Variants in PIK3C3 observed in about 807,000 individuals in gnomAD.
The protein encoded by PIK3C3 is phosphatidylinositol 3-kinase catalytic subunit type 3, also known as PI3-kinase type 3.
A neutral mutation model predicts 126.1 loss-of-function variants in PIK3C3; 95 were observed. The ratio of observed to expected loss-of-function variants is 0.75; its 90% CI spans 0.64 to 0.89. The LOEUF (loss-of-function observed/expected upper bound fraction) is 0.89. Among genes scored for constraint, PIK3C3 ranks in the 40% least tolerant of loss-of-function variants. The probability of loss-of-function intolerance (pLI) is 0.00; values close to 1 mark genes in which losing one functional copy is unlikely to be tolerated. For synonymous variants in PIK3C3, 374 were observed against 360.0 expected, an observed-to-expected ratio of 1.04 and a Z score of -0.44; for missense variants, 829 against 1,063.2, an observed-to-expected ratio of 0.78 and a Z score of 3.06.
intron 16 of PIK3C3, among the ~76,000 whole-genome samples, chr18:42,034,790 A>G (rs1021728156): frequency 1.3e-5 from 2 of 152,200 alleles, no homozygotes; most frequent in Admixed American, 1.3e-4. Flanking sequence ...GTTGCATTGA[A>G]TATTACTTTG....
rs71174077 is a variant in PIK3C3, at chr18:42,076,089, C to CATATATAT, written c.2650-5009_2650-5002dup. Among the ~76,000 whole-genome samples the CATATATAT allele has an allele frequency of 5.0e-3, 271 of 54,580 alleles. 4 individuals carry two copies. The highest frequency in any genetic ancestry group is 0.012 in the East Asian group (19 of 1,598). 35.8% of individuals were successfully genotyped at this position (54,580 alleles called of 152,430 possible). A position where few individuals can be genotyped will look rare whatever the true frequency, so the allele number is the denominator to read the frequency against. On this transcript the variant is annotated intron_variant, in intron 24 of 24. Coordinates refer to ENST00000262039, the MANE Select transcript of PIK3C3 (RefSeq NM_002647.4). Reference sequence around the variant, plus strand: ...CATCAGCACTGGCTGCTTTACCTTGCATATATATATATATATATATATATA... The same window carrying CATATATAT: ...CATCAGCACTGGCTGCTTTACCTTGCATATATATATATATATATATATATATATATATA...
intron 12 of PIK3C3, among the ~76,000 whole-genome samples, chr18:42,019,278 CTTG>C (rs1983215227): frequency 6.6e-6 from 1 of 152,086 alleles, no homozygotes; most frequent in Non-Finnish European, 1.5e-5. Flanking sequence ...AAAACTGTCC[CTTG>C]AAACCACATC....
chr18:41,958,779 TATACTTA>T (rs772046198), intron 2 of PIK3C3, among the ~76,000 whole-genome samples: 2 of 152,046 alleles, frequency 1.3e-5, no homozygotes, highest in African/African-American at 4.8e-5. Context: ...AATATATATA[TATACTTA>T]ATACTTTTTA....
In PIK3C3 at chr18:42,037,110, A is replaced by T. The variant is rs1213864416; in HGVS notation, c.1840-582A>T. Among the ~76,000 whole-genome samples the T allele has an allele frequency of 2.6e-5, 4 of 152,222 alleles. 1 individual carries two copies. Among genetic ancestry groups the T allele is most frequent in the African/African-American group, 9.6e-5 (4 of 41,468 alleles). ...ATGCAAATATTCCAAAATCCGGGGAAGTCCAAAATCCCAAACATTTGCAAG... is the reference window on the plus strand; with the variant it reads ...ATGCAAATATTCCAAAATCCGGGGATGTCCAAAATCCCAAACATTTGCAAG... On this transcript the variant is annotated intron_variant, in intron 16 of 24. Coordinates refer to ENST00000262039, the MANE Select transcript of PIK3C3 (RefSeq NM_002647.4).
chr18:42,058,028 C>G lies in PIK3C3; in HGVS notation c.2409C>G (p.Tyr803Ter), dbSNP rs1281746614. 6.3e-7 allele frequency: 1 copy of G among 1,595,296 alleles called. No homozygotes were observed. Among genetic ancestry groups the G allele is most frequent in the Non-Finnish European group, 8.5e-7 (1 of 1,172,112 alleles). The change falls in exon 22 of 25, where the codon TAC (tyrosine) becomes TAG (stop). Residue 803 changes from tyrosine (Y) to a stop codon, truncating the protein, a stop_gained. Coordinates refer to ENST00000262039, the MANE Select transcript of PIK3C3 (RefSeq NM_002647.4). LOFTEE classifies it high-confidence loss of function. ...ACCAAGAGTTCCGTAAACAGTGTTACACGGCTTTCCTCCACCTGCGAAGGT... is the reference window on the plus strand; with the variant it reads ...ACCAAGAGTTCCGTAAACAGTGTTAGACGGCTTTCCTCCACCTGCGAAGGT... Reference protein sequence around the residue: ...EQYQEFRKQCYTAFLHLRRYS... With the variant: ...EQYQEFRKQC
At chr18:42,029,256 C>T in intron 14 of PIK3C3, 69 bp from the exon 15 acceptor site, 4 of 859,842 alleles carry the variant, frequency 4.7e-6, no homozygotes, top group Non-Finnish European at 6.0e-6. Context: ...AAGGATTATC[C>T]ATGCTGTTAA....
intron 9 of PIK3C3, among the ~76,000 whole-genome samples, chr18:41,998,227 A>G (rs552610394): frequency 2.0e-5 from 3 of 152,278 alleles, no homozygotes; most frequent in South Asian, 2.1e-4. Context: ...TCAATTTACT[A>G]TAGCTTTGAG....
At position 41,991,488 on chromosome 18, in the gene PIK3C3, T is replaced by C. The variant is rs1284219740; in HGVS notation, c.714+934T>C. ...GACAGACTTTTGATACATGGCATAG[T>C]AGTAGATTAATATTTCTTCTAGCAT... On this transcript the variant is annotated intron_variant, in intron 6 of 24. Transcript: ENST00000262039. Among the ~76,000 whole-genome samples, 5 of 152,300 alleles carry C rather than the reference T, an allele frequency of 3.3e-5. No individual in the cohort carries two copies. The South Asian group carries it at 8.3e-4, about 25-fold the overall frequency.
At chr18:41,960,950 G>C (rs73454602) in intron 2 of PIK3C3, among the ~76,000 whole-genome samples, 5,827 of 151,812 alleles carry the variant, frequency 0.038, 354 homozygotes, top group African/African-American at 0.13. Flanking sequence ...CCATGTTGGC[G>C]AAGCTCATCT....
intron 4 of PIK3C3, 30 bp from the exon 5 acceptor site, chr18:41,987,782 A>G (rs775194659): frequency 1.3e-6 from 2 of 1,508,958 alleles, no homozygotes; most frequent in Admixed American, 3.4e-5. Flanking sequence ...GATGTATATT[A>G]AAATTTTCGT....
In PIK3C3 at chr18:42,061,147, C is replaced by T. The variant is rs1483951515; in HGVS notation, c.2432+3096C>T. Among the ~76,000 whole-genome samples the T allele has an allele frequency of 3.3e-5, 5 of 152,220 alleles. No individual in the cohort carries two copies. In the East Asian group the frequency reaches 9.6e-4, roughly 29 times the overall value. On this transcript the variant is annotated intron_variant, in intron 22 of 24. Coordinates refer to ENST00000262039, the MANE Select transcript of PIK3C3 (RefSeq NM_002647.4). ...GTGGGTAAGAGAAAGAGTGCAGTTT[C>T]CTTGAACATTACATGCAACCTGCTT...
At chr18:42,053,564 A>G (rs1005138630) in intron 21 of PIK3C3, among the ~76,000 whole-genome samples, 1 of 152,196 alleles carries the variant, frequency 6.6e-6, no homozygotes, top group African/African-American at 2.4e-5. Context: ...AGAAATTACA[A>G]AGCTAGGCTG....
chr18:42,029,569 G>A (rs1465371363), intron 15 of PIK3C3, 128 bp downstream of exon 15: 2 of 473,646 alleles, frequency 4.2e-6, no homozygotes, highest in Admixed American at 3.8e-5. Context: ...TTTTGACAAT[G>A]TCTCACTCTG....
intron 7 of PIK3C3, among the ~76,000 whole-genome samples, chr18:41,993,851 C>G (rs1402784384): frequency 6.6e-6 from 1 of 152,008 alleles, no homozygotes; most frequent in African/African-American, 2.4e-5. Context: ...TTCTTATTAA[C>G]GAATTTTTGA....
chr18:42,063,079 C>A lies in PIK3C3; in HGVS notation c.2433-1661C>A, dbSNP rs74410251. Among the ~76,000 whole-genome samples the A allele has an allele frequency of 1.4e-4, 22 of 152,262 alleles. No homozygotes were observed. In the East Asian group the frequency reaches 4.2e-3, roughly 29 times the overall value. ...GTGAACTGTTAAAAATGCCTATCAA[C>A]GTGTGTTACTCCACTCCTTAAACTT... On this transcript the variant is annotated intron_variant, in intron 22 of 24. Transcript: ENST00000262039.
At chr18:41,978,498 T>G (rs771900752) in intron 4 of PIK3C3, among the ~76,000 whole-genome samples, 5 of 152,202 alleles carry the variant, frequency 3.3e-5, no homozygotes, top group Non-Finnish European at 5.9e-5. Flanking sequence ...TTTGGTTCTT[T>G]TGGTCCCATT....
Position 42,004,384 on chromosome 18 carries a change from A to G in PIK3C3, c.1013A>G (p.Asn338Ser). Residue 338 changes from asparagine (N) to serine (S), a missense_variant, in exon 10 of 25, where the codon AAT becomes AGT. Coordinates refer to ENST00000262039, the MANE Select transcript of PIK3C3 (RefSeq NM_002647.4). ...TTGACAAAATTCTTGAAATGTGTTA[A>G]TTGGGATCTACCTCAAGAGGCCAAA... ...KALTKFLKCV[N>S]WDLPQEAKQA... is the part of the protein sequence containing the mutation. 6.2e-7 allele frequency: 1 copy of G among 1,611,202 alleles called. No homozygotes were observed. Among genetic ancestry groups the G allele is most frequent in the Non-Finnish European group, 8.5e-7 (1 of 1,179,278 alleles).
chr18:42,051,762 T>A (rs1984813055), intron 21 of PIK3C3, among the ~76,000 whole-genome samples: 1 of 152,020 alleles, frequency 6.6e-6, no homozygotes, highest in African/African-American at 2.4e-5. Flanking sequence ...AGCTCTTTTT[T>A]ATTGGTTGAA....
chr18:41,992,003 G>A (rs936806766), intron 6 of PIK3C3, among the ~76,000 whole-genome samples: 4 of 152,180 alleles, frequency 2.6e-5, no homozygotes, highest in African/African-American at 9.6e-5. Context: ...TGCTAATGGA[G>A]ATGGTACTTT....
Sources: allele counts gnomAD v4.1 joint callset (sites outside exome capture counted in the v4.1 genomes callset), GRCh38; gene constraint gnomAD v4.1.1; transcripts MANE v1.5; gene names NCBI Gene and HGNC (gene_info 2026-07-23, HGNC 2026-07-21).